The following ZMAT4 variants were observed in gnomAD, a reference collection of about 807,000 sequenced individuals.
ZMAT4 encodes zinc finger matrin-type 4.
A neutral mutation model predicts 28.7 loss-of-function variants in ZMAT4; 17 were observed. The ratio of observed to expected loss-of-function variants is 0.59; its 90% CI spans 0.41 to 0.89. The LOEUF (loss-of-function observed/expected upper bound fraction) is 0.89, where lower values mean the gene tolerates loss of function less well. Ranked by LOEUF, ZMAT4 falls within the 40% of genes least tolerant of loss-of-function variation. The pLI is 0.00. For synonymous variants in ZMAT4, 117 were observed against 109.2 expected (o/e 1.07, Z -0.44); for missense variants, 240 against 283.8 (o/e 0.85, Z 1.11).
intron 6 of ZMAT4, among the ~76,000 whole-genome samples, chr8:40,533,559 A>G (rs1802759632): frequency 6.6e-6 from 1 of 152,232 alleles, no homozygotes; most frequent in Admixed American, 6.5e-5. Context: ...AAGCTACAAA[A>G]GAAAATTCTA....
chr8:40,672,356 A>G (rs1433740167), intron 5 of ZMAT4, among the ~76,000 whole-genome samples: 1 of 152,100 alleles, frequency 6.6e-6, no homozygotes, highest in African/African-American at 2.4e-5. Context: ...GTGCTGGGTT[A>G]CCATAGTTGC....
At chr8:40,600,067 G>T (rs536982702) in intron 5 of ZMAT4, among the ~76,000 whole-genome samples, 1 of 152,224 alleles carries the variant, frequency 6.6e-6, no homozygotes, top group Admixed American at 6.5e-5. Flanking sequence ...CTCAAGACAG[G>T]CATCTTTCTA....
chr8:40,888,108 C>T (rs1477668463), intron 1 of ZMAT4, among the ~76,000 whole-genome samples: 1 of 152,182 alleles, frequency 6.6e-6, no homozygotes, highest in African/African-American at 2.4e-5. Context: ...CTGAATACAC[C>T]CTTGGACCCA....
At chr8:40,668,805 C>T (rs1228736053) in intron 5 of ZMAT4, among the ~76,000 whole-genome samples, 2 of 151,856 alleles carry the variant, frequency 1.3e-5, no homozygotes, top group Admixed American at 6.6e-5. Flanking sequence ...AACCATTTTT[C>T]TGTATTGGCT....
rs34420719 is a variant in ZMAT4 at position 40,855,679 on chromosome 8, C to CT, written c.-4-30000dup. On this transcript the variant is annotated intron_variant, in intron 1 of 6. Transcript: ENST00000297737. ...GGTGTTGTCATTCTGTTCACCAAAA[C>CT]TTTTTTTTTTTTTTTTGAGACAGGG... 4.5e-3 allele frequency among the ~76,000 whole-genome samples: 634 copies of CT among 139,906 alleles called. 1 individual carries two copies. Among genetic ancestry groups the CT allele is most frequent in the African/African-American group, 0.011 (411 of 37,848 alleles). 91.8% of individuals were successfully genotyped at this position (139,906 alleles called of 152,430 possible).
rs557709685 is a variant in ZMAT4, at chr8:40,758,591, T to A, written c.192+9050A>T. ...GTCTAATTTAAAATTCTGTCTGTGG[T>A]CTTTTCCATTTGTGTGAACAGCACA... On this transcript the variant is annotated intron_variant, in intron 3 of 6. Coordinates refer to ENST00000297737, the MANE Select transcript of ZMAT4 (RefSeq NM_024645.3). Among the ~76,000 whole-genome samples the A allele has an allele frequency of 3.3e-5, 5 of 152,346 alleles. No homozygotes were observed. In the East Asian group the frequency reaches 9.6e-4, roughly 29 times the overall value.
chr8:40,840,460 C>T (rs1816662418), intron 1 of ZMAT4, among the ~76,000 whole-genome samples: 1 of 152,184 alleles, frequency 6.6e-6, no homozygotes, highest in Admixed American at 6.5e-5. Flanking sequence ...GGTAGGCACC[C>T]TGAGCACTAA....
intron 6 of ZMAT4, among the ~76,000 whole-genome samples, chr8:40,568,310 T>C (rs1432662450): frequency 6.6e-6 from 1 of 152,124 alleles, no homozygotes; most frequent in Non-Finnish European, 1.5e-5. Flanking sequence ...CAGGACTGAA[T>C]ATCAAGCTTG....
At chr8:40,763,058 C>T (rs1273303506) in intron 3 of ZMAT4, among the ~76,000 whole-genome samples, 2 of 152,118 alleles carry the variant, frequency 1.3e-5, no homozygotes, top group Non-Finnish European at 1.5e-5. Context: ...TGTCACTTTC[C>T]CCAGGAAAAC....
chr8:40,847,010 C>A (rs1258652731), intron 1 of ZMAT4, among the ~76,000 whole-genome samples: 1 of 152,038 alleles, frequency 6.6e-6, no homozygotes, highest in African/African-American at 2.4e-5. Context: ...AGTTCGAGAC[C>A]AGCCTAGCCA....
chr8:40,564,297 G>A (rs1031808849), intron 6 of ZMAT4, among the ~76,000 whole-genome samples: 5 of 151,998 alleles, frequency 3.3e-5, no homozygotes, highest in African/African-American at 1.2e-4. Flanking sequence ...TTTATAAGTC[G>A]AGAGTATATT....
intron 5 of ZMAT4, among the ~76,000 whole-genome samples, chr8:40,640,091 C>T (rs1806954000): frequency 6.6e-6 from 1 of 152,162 alleles, no homozygotes; most frequent in South Asian, 2.1e-4. Context: ...ATCCTCCCAC[C>T]TCAGCCTCCT....
intron 6 of ZMAT4, among the ~76,000 whole-genome samples, chr8:40,538,492 G>C (rs1802919906): frequency 6.6e-6 from 1 of 152,258 alleles, no homozygotes; most frequent in East Asian, 1.9e-4. Context: ...CCTGAAGGCT[G>C]CATCGCGGGC....
rs188017636 is a variant in ZMAT4, at chr8:40,891,043, G to A, written c.-5+6640C>T. Among the ~76,000 whole-genome samples, 16 of 151,168 alleles carry A rather than the reference G, an allele frequency of 1.1e-4. No individual in the cohort carries two copies. The East Asian group carries it at 2.2e-3, about 21-fold the overall frequency. On this transcript the variant is annotated intron_variant, in intron 1 of 6. Transcript: ENST00000297737. ...CAGTAATGTCTGCGGCATCAAAATC[G>A]AGGGCGGGGGCTGGATGCGGCAGTG...
rs142599102 is a variant in ZMAT4 at position 40,838,012 on chromosome 8, C to G, written c.-4-12332G>C. Among the ~76,000 whole-genome samples the G allele has an allele frequency of 8.6e-3, 1,307 of 152,324 alleles. 21 individuals are homozygous for G. The highest frequency in any genetic ancestry group is 0.03 in the African/African-American group (1,248 of 41,578). ...GGCAAACGGAGCAGATGGCCCTGAC[C>G]ACTGGGATGCCAGGTAATGATCAAG... On this transcript the variant is annotated intron_variant, in intron 1 of 6. Coordinates refer to ENST00000297737, the MANE Select transcript of ZMAT4 (RefSeq NM_024645.3).
chr8:40,892,287 C>T (rs768347696), intron 1 of ZMAT4, among the ~76,000 whole-genome samples: 14 of 152,188 alleles, frequency 9.2e-5, no homozygotes, highest in Non-Finnish European at 1.5e-4. Context: ...CCATGTCTCT[C>T]TTCTCATCCT....
chr8:40,682,605 T>A (rs1809224576), intron 4 of ZMAT4, among the ~76,000 whole-genome samples: 1 of 152,222 alleles, frequency 6.6e-6, no homozygotes, highest in Non-Finnish European at 1.5e-5. Flanking sequence ...CTATAATATA[T>A]CCGATGTTTC....
intron 5 of ZMAT4, among the ~76,000 whole-genome samples, chr8:40,628,829 C>G (rs1439142774): frequency 6.6e-6 from 1 of 151,996 alleles, no homozygotes; most frequent in Non-Finnish European, 1.5e-5. Flanking sequence ...AAGAAGTATC[C>G]ACTAGAGAAA....
intron 3 of ZMAT4, among the ~76,000 whole-genome samples, chr8:40,753,089 C>G (rs1240150797): frequency 3.4e-5 from 5 of 148,490 alleles, no homozygotes; most frequent in Non-Finnish European, 6.0e-5. Flanking sequence ...GTGTGACTTT[C>G]CCCTCCCTGT....
Sources: allele counts gnomAD v4.1 joint callset (sites outside exome capture counted in the v4.1 genomes callset), GRCh38; gene constraint gnomAD v4.1.1; transcripts MANE v1.5; gene names NCBI Gene and HGNC (gene_info 2026-07-23, HGNC 2026-07-21).